Variants in PXDN observed in about 807,000 individuals in gnomAD.
The protein encoded by PXDN is peroxidasin.
Under a neutral mutation model 140.3 loss-of-function variants are expected in PXDN, and 77 were observed. The ratio of observed to expected loss-of-function variants is 0.55; its 90% CI spans 0.46 to 0.66. The LOEUF (loss-of-function observed/expected upper bound fraction) is 0.66, where lower values mean the gene tolerates loss of function less well. PXDN is among the 30% of genes least tolerant of loss of function. The pLI, the probability that PXDN is intolerant of heterozygous loss-of-function variation, is 0.00. For synonymous variants in PXDN, 911 were observed against 857.4 expected, an observed-to-expected ratio of 1.06 and a Z score of -1.09; for missense variants, 1,838 against 2,039.5, an observed-to-expected ratio of 0.90 and a Z score of 1.90.
intron 22 of PXDN, 148 bp downstream of exon 22, chr2:1,635,260 C>T: frequency 1.4e-6 from 1 of 727,730 alleles, no homozygotes; most frequent in Non-Finnish European, 2.5e-6. Context: ...CCTGGTGCTT[C>T]CATAGGAGTG....
chr2:1,743,372 G>T (rs1012009706), intron 1 of PXDN, among the ~76,000 whole-genome samples: 1 of 152,230 alleles, frequency 6.6e-6, no homozygotes, highest in East Asian at 1.9e-4. Flanking sequence ...CTAGACCCGG[G>T]CTGCCCCGAG....
chr2:1,738,429 T>C (rs902301900), intron 1 of PXDN, among the ~76,000 whole-genome samples: 2 of 152,174 alleles, frequency 1.3e-5, no homozygotes, highest in East Asian at 3.9e-4. Context: ...CTGCATGCAT[T>C]TGCATCTATT....
Position 1,649,440 on chromosome 2 carries a change from G to T in PXDN, c.2340C>A (p.Gly780=). The change falls in exon 17 of 23, where the codon GGC becomes GGA. Residue 780 remains glycine, a synonymous_variant. Transcript: ENST00000252804. This position sits in a 1 kb window ranked among gnomAD's most constrained non-coding sequence, Gnocchi z 7.1. ...VYENGFNTPR[G]INPHRLYNGH... is the part of the protein sequence containing the mutation. ...CGTTGTACAGTCGGTGGGGGTTGAT[G>T]CCCCGAGGGGTGTTGAAGCCATTCT... 1 of 1,613,988 alleles carries T rather than the reference G, an allele frequency of 6.2e-7. No individual in the cohort carries two copies. The highest frequency in any genetic ancestry group is 8.5e-7 in the Non-Finnish European group (1 of 1,179,890).
intron 13 of PXDN, among the ~76,000 whole-genome samples, 175 bp from the exon 14 acceptor site, chr2:1,661,212 A>G (rs1220086815): frequency 1.3e-5 from 2 of 152,224 alleles, no homozygotes; most frequent in African/African-American, 4.8e-5. Flanking sequence ...CAGTTCTCCC[A>G]GTGCCAAGCT....
intron 1 of PXDN, among the ~76,000 whole-genome samples, chr2:1,698,370 G>A (rs1684344315): frequency 6.6e-6 from 1 of 152,096 alleles, no homozygotes; most frequent in African/African-American, 2.4e-5. Flanking sequence ...GAACCCTCGA[G>A]AGCTCCCAGA....
At chr2:1,657,152 G>A (rs1048530898) in intron 14 of PXDN, among the ~76,000 whole-genome samples, 1 of 141,218 alleles carries the variant, frequency 7.1e-6, no homozygotes, top group East Asian at 2.2e-4. Flanking sequence ...ACTGGGGGGG[G>A]ACCTGCCTCC....
intron 1 of PXDN, 112 bp downstream of exon 1, chr2:1,744,144 G>C: frequency 1.2e-5 from 12 of 1,028,288 alleles, no homozygotes; most frequent in South Asian, 3.6e-5. Context: ...GGCCCCCCGC[G>C]CGCCCGATGC....
rs1462016419 is a variant in PXDN at position 1,662,028 on chromosome 2, C to T, written c.1680+44G>A. The stretch of plus-strand genomic sequence containing the variant: ...GGTGGTGTGGGTGCCAGCCCGTCTA[C>T]CTTGTATCTGGGTGGTGGCTGGCTC... On this transcript the variant is annotated intron_variant, in intron 13 of 22. Coordinates refer to ENST00000252804, the MANE Select transcript of PXDN (RefSeq NM_012293.3). The T allele has an allele frequency of 4.6e-6, 7 of 1,520,282 alleles. No individual in the cohort carries two copies. In the East Asian group the frequency reaches 1.7e-4, roughly 37 times the overall value. 94.2% of individuals were successfully genotyped at this position (1,520,282 alleles called of 1,614,324 possible).
chr2:1,743,538 A>G (rs1207982366), intron 1 of PXDN, among the ~76,000 whole-genome samples: 3 of 145,580 alleles, frequency 2.1e-5, no homozygotes, highest in Admixed American at 1.4e-4. Context: ...GGCTGCGGGA[A>G]CTGAGGCTCC....
intron 19 of PXDN, among the ~76,000 whole-genome samples, chr2:1,642,378 A>G (rs1195563754): frequency 6.6e-6 from 1 of 152,240 alleles, no homozygotes; most frequent in East Asian, 1.9e-4. Flanking sequence ...CTATTACTTC[A>G]GGAAAAATGA....
intron 9 of PXDN, among the ~76,000 whole-genome samples, chr2:1,668,936 A>G (rs1264394957): frequency 6.6e-6 from 1 of 152,234 alleles, no homozygotes. Flanking sequence ...TGACCCAGCA[A>G]TCCCATTATT....
chr2:1,658,463 G>T (rs1009997592), intron 14 of PXDN, among the ~76,000 whole-genome samples: 1 of 151,632 alleles, frequency 6.6e-6, no homozygotes, highest in East Asian at 2.0e-4. Flanking sequence ...GGCCCCCTCA[G>T]ATCTGCTACT....
intron 13 of PXDN, among the ~76,000 whole-genome samples, chr2:1,661,498 G>A (rs1357591280): frequency 5.9e-5 from 9 of 152,174 alleles, no homozygotes; most frequent in African/African-American, 1.7e-4. Flanking sequence ...TGTGTGTGGC[G>A]AGGAAGAAAA....
intron 1 of PXDN, among the ~76,000 whole-genome samples, chr2:1,721,335 T>C (rs1685047232): frequency 6.6e-6 from 1 of 152,058 alleles, no homozygotes; most frequent in Non-Finnish European, 1.5e-5. Context: ...ACGGTACGGG[T>C]TAATTGAGGT....
chr2:1,702,653 G>C (rs540911297), intron 1 of PXDN, among the ~76,000 whole-genome samples: 1 of 152,224 alleles, frequency 6.6e-6, no homozygotes, highest in African/African-American at 2.4e-5. Flanking sequence ...TTTTGAGACA[G>C]AGTCTCGCTC....
At position 1,654,803 on chromosome 2, in the gene PXDN, G is replaced by A. The variant is rs1392616221; in HGVS notation, c.1838-295C>T. 2.0e-5 allele frequency among the ~76,000 whole-genome samples: 3 copies of A among 152,166 alleles called. No individual in the cohort carries two copies. The East Asian group carries it at 5.8e-4, about 29-fold the overall frequency. On this transcript the variant is annotated intron_variant, in intron 14 of 22. Coordinates refer to ENST00000252804, the MANE Select transcript of PXDN (RefSeq NM_012293.3). ...CGCTATATGCAACAGCATGTGGGAG[G>A]TGTGGACTGAGGCCTCCCTGTGTGG... is the stretch of plus-strand genomic sequence containing the variant.
intron 14 of PXDN, among the ~76,000 whole-genome samples, chr2:1,658,827 A>C (rs547755016): frequency 3.0e-5 from 3 of 100,714 alleles, no homozygotes; most frequent in African/African-American, 3.9e-5. Context: ...TGCCCCTGCC[A>C]CCCCCCATCT....
intron 1 of PXDN, among the ~76,000 whole-genome samples, chr2:1,702,990 G>GT (rs1321873301): frequency 8.0e-5 from 9 of 111,860 alleles, no homozygotes; most frequent in African/African-American, 1.6e-4. Flanking sequence ...CCAGGTGAAG[G>GT]GGGGGACAAC....
intron 1 of PXDN, among the ~76,000 whole-genome samples, chr2:1,737,304 T>C (rs1685443502): frequency 6.6e-6 from 1 of 151,908 alleles, no homozygotes; most frequent in Admixed American, 6.6e-5. Flanking sequence ...GAAAGCAACA[T>C]CCTCCAGAAT....
Sources: gnomAD v4.1 joint callset for allele counts (sites outside exome capture counted in the v4.1 genomes callset) on GRCh38, gnomAD v4.1.1 for gene constraint, Gnocchi (gnomAD v3.1) non-coding constraint, MANE v1.5 for transcripts, NCBI Gene and HGNC (gene_info 2026-07-23, HGNC 2026-07-21) for gene names.